REEP1: variants seen among roughly 807,000 people sequenced by gnomAD.
REEP1 encodes the protein receptor accessory protein 1.
Under a neutral mutation model 40.3 loss-of-function variants are expected in REEP1, and 22 were observed. The observed-to-expected ratio is 0.55, with a 90% CI of 0.39 to 0.78. REEP1 has a LOEUF of 0.78. Among genes scored for constraint, REEP1 ranks in the 30% least tolerant of loss-of-function variants. The probability of loss-of-function intolerance (pLI) is 0.00; values close to 1 mark genes in which losing one functional copy is unlikely to be tolerated. For missense variants in REEP1, 280 were observed against 361.1 expected, an observed-to-expected ratio of 0.78 and a Z score of 1.82; for synonymous variants, 116 against 139.2, an observed-to-expected ratio of 0.83 and a Z score of 1.17.
chr2:86,223,854 CA>C (rs1439454205), intron 7 of REEP1: 1 of 151,352 alleles, frequency 6.6e-6, no homozygotes, highest in East Asian at 1.9e-4. Context: ...ACTAACCACA[CA>C]GGCAGTAATC....
intron 2 of REEP1, among the ~76,000 whole-genome samples, chr2:86,274,289 C>G (rs567865781): frequency 6.6e-6 from 1 of 152,186 alleles, no homozygotes; most frequent in Non-Finnish European, 1.5e-5. Context: ...TGGCTCAGGG[C>G]AGCCAAGAAG....
intron 1 of REEP1, among the ~76,000 whole-genome samples, chr2:86,313,476 C>A (rs1445800947): frequency 2.6e-5 from 4 of 152,120 alleles, no homozygotes; most frequent in African/African-American, 9.7e-5. Flanking sequence ...TGCTACCTAG[C>A]TAGCCCTCAA....
chr2:86,271,317 T>TA (rs572396859), intron 2 of REEP1, among the ~76,000 whole-genome samples: 3,408 of 124,652 alleles, frequency 0.027, 66 homozygotes, highest in Middle Eastern at 0.066. Context: ...TAAAACTGCT[T>TA]AAAAAAAAAA....
intron 2 of REEP1, among the ~76,000 whole-genome samples, chr2:86,265,962 T>A (rs1303533959): frequency 6.6e-6 from 1 of 152,164 alleles, no homozygotes; most frequent in Non-Finnish European, 1.5e-5. Flanking sequence ...GAAAAATGTA[T>A]AAAATATCTG....
chr2:86,263,269 A>T (rs1317157762), intron 3 of REEP1, among the ~76,000 whole-genome samples: 2 of 152,176 alleles, frequency 1.3e-5, no homozygotes, highest in Non-Finnish European at 2.9e-5. Flanking sequence ...TTGCTCTGTC[A>T]CCCAGGCTGG....
chr2:86,312,985 A>G (rs1215559657), intron 1 of REEP1, among the ~76,000 whole-genome samples: 1 of 151,706 alleles, frequency 6.6e-6, no homozygotes, highest in East Asian at 1.9e-4. Flanking sequence ...TTTAGCTACC[A>G]TCCTTCTTCT....
In REEP1 at chr2:86,227,384, A is replaced by G. The variant is rs1349813574; in HGVS notation, c.610T>C (p.Ser204Pro). Reference sequence around the variant, plus strand: ...TCACCTTTCCAGGTCCTGCAGGTGGAGCAGCAGGTACACACTGTGGGAATG... The same window carrying G: ...TCACCTTTCCAGGTCCTGCAGGTGGGGCAGCAGGTACACACTGTGGGAATG... ...SASSSVCTCC[S>P]TCRTWKVVEG... is the part of the protein sequence containing the mutation. The change falls in exon 7 of 9, where the codon TCC becomes CCC. Residue 204 changes from serine (S) to proline (P), a missense_variant. This residue lies in a region of REEP1 where 201 missense variants were observed against 238.5 expected (regional missense o/e 0.84). Transcript: ENST00000538924. The G allele has an allele frequency of 4.1e-6, 5 of 1,232,312 alleles. No homozygotes were observed. The East Asian group carries it at 1.6e-4, about 39-fold the overall frequency. 76.3% of individuals were successfully genotyped at this position (1,232,312 alleles called of 1,614,324 possible). A position where few individuals can be genotyped will look rare whatever the true frequency, so the allele number is the denominator to read the frequency against.
chr2:86,217,417 C>G (rs1192170321), intron 8 of REEP1, among the ~76,000 whole-genome samples: 1 of 152,158 alleles, frequency 6.6e-6, no homozygotes, highest in African/African-American at 2.4e-5. Flanking sequence ...GCAAAATTAT[C>G]TTAAATGATT....
intron 1 of REEP1, among the ~76,000 whole-genome samples, chr2:86,304,872 G>A (rs977396768): frequency 1.2e-4 from 18 of 152,156 alleles, no homozygotes; most frequent in Admixed American, 3.3e-4. Flanking sequence ...AACAAAGACT[G>A]TAAACTTAAG....
intron 2 of REEP1, among the ~76,000 whole-genome samples, chr2:86,271,757 G>A (rs75013685): frequency 0.04 from 6,092 of 152,296 alleles, 168 homozygotes; most frequent in East Asian, 0.07. Flanking sequence ...GTTTTGTCCA[G>A]TGGTAAAGTC....
rs149154364 is a variant in REEP1, at chr2:86,290,670, G to A, written c.33-8428C>T. Among the ~76,000 whole-genome samples the A allele has an allele frequency of 2.9e-3, 445 of 152,316 alleles. 6 individuals carry two copies. Among genetic ancestry groups the A allele is most frequent in the African/African-American group, 0.01 (430 of 41,572 alleles). On this transcript the variant is annotated intron_variant, in intron 1 of 8. Transcript: ENST00000538924. Reference sequence around the variant, plus strand: ...CTGATCCTCTAGCCCTGAAAGGACTGTCTCAGATACGCTGTGGGCCTGGGA... The same window carrying A: ...CTGATCCTCTAGCCCTGAAAGGACTATCTCAGATACGCTGTGGGCCTGGGA...
chr2:86,229,171 T>C (rs908588293), intron 6 of REEP1, among the ~76,000 whole-genome samples: 14 of 152,190 alleles, frequency 9.2e-5, no homozygotes, highest in Non-Finnish European at 1.8e-4. Context: ...TATTCGGTCT[T>C]TTTTACAAAG....
At chr2:86,224,754 T>C (rs940612624) in intron 7 of REEP1, among the ~76,000 whole-genome samples, 1 of 152,248 alleles carries the variant, frequency 6.6e-6, no homozygotes, top group Admixed American at 6.5e-5. Flanking sequence ...CACACTCTTA[T>C]GCACATGCAG....
intron 8 of REEP1, among the ~76,000 whole-genome samples, chr2:86,218,695 C>T (rs1212213529): frequency 6.6e-6 from 1 of 152,222 alleles, no homozygotes; most frequent in African/African-American, 2.4e-5. Context: ...CCAGATTGCC[C>T]AGGCCAGACT....
At chr2:86,261,685 G>A (rs1676860846) in intron 3 of REEP1, among the ~76,000 whole-genome samples, 1 of 152,232 alleles carries the variant, frequency 6.6e-6, no homozygotes. Flanking sequence ...CATGGGAAGG[G>A]AAAGACCTGA....
At chr2:86,287,534 A>C (rs1678461339) in intron 1 of REEP1, among the ~76,000 whole-genome samples, 1 of 152,234 alleles carries the variant, frequency 6.6e-6, no homozygotes, top group Non-Finnish European at 1.5e-5. Flanking sequence ...TCTTAATAAA[A>C]ATATAATTTT....
At chr2:86,263,734 T>TATCC (rs1174893915) in intron 3 of REEP1, among the ~76,000 whole-genome samples, 1 of 152,246 alleles carries the variant, frequency 6.6e-6, no homozygotes. Context: ...TCCATGACTA[T>TATCC]ATCCCCAGGG....
chr2:86,268,649 G>C (rs1026885062), intron 2 of REEP1, among the ~76,000 whole-genome samples: 1 of 151,916 alleles, frequency 6.6e-6, no homozygotes, highest in Non-Finnish European at 1.5e-5. Flanking sequence ...TATATGGAAA[G>C]GTAAAAGACC....
At chr2:86,319,448 T>C (rs1258790954) in intron 1 of REEP1, among the ~76,000 whole-genome samples, 1 of 95,134 alleles carries the variant, frequency 1.1e-5, no homozygotes, top group East Asian at 3.7e-4. Flanking sequence ...CGGGGCAGAG[T>C]GGCTCACTCA....
Sources: gnomAD v4.1 joint callset for allele counts (sites outside exome capture counted in the v4.1 genomes callset) on GRCh38, gnomAD v4.1.1 for gene constraint, gnomAD v4.1.1 regional missense constraint, MANE v1.5 for transcripts, NCBI Gene and HGNC (gene_info 2026-07-23, HGNC 2026-07-21) for gene names.